The following VSX2 variants were observed in gnomAD, a reference collection of about 807,000 sequenced individuals.
VSX2 encodes ceh-10 homeo domain containing homolog.
A neutral mutation model predicts 32.1 loss-of-function variants in VSX2; 28 were observed. The observed-to-expected ratio is 0.87, with a 90% CI of 0.65 to 1.20. The LOEUF is 1.20. VSX2 is among the 50% of genes most tolerant of loss of function. The probability of loss-of-function intolerance (pLI) is 0.00; values close to 1 mark genes in which losing one functional copy is unlikely to be tolerated. For synonymous variants in VSX2, 243 were observed against 214.1 expected (o/e 1.14, Z -1.18); for missense variants, 506 against 488.7 (o/e 1.04, Z -0.33).
rs1745691361 is a variant in VSX2, at chr14:74,246,091, C to T, written c.579+803C>T. Among the ~76,000 whole-genome samples the T allele has an allele frequency of 3.3e-5, 5 of 152,208 alleles. No individual in the cohort carries two copies. The South Asian group carries it at 1.0e-3, about 32-fold the overall frequency. ...TCTCTGGGGGAGGATGGAGTCTGGGCAGGGCCTCCATGAGGCAGAAGGAGT... is the reference window on the plus strand; with the variant it reads ...TCTCTGGGGGAGGATGGAGTCTGGGTAGGGCCTCCATGAGGCAGAAGGAGT... On this transcript the variant is annotated intron_variant, in intron 3 of 4. Coordinates refer to ENST00000261980, the MANE Select transcript of VSX2 (RefSeq NM_182894.3).
intron 3 of VSX2, among the ~76,000 whole-genome samples, chr14:74,251,629 G>A (rs1594756428): frequency 6.6e-6 from 1 of 152,284 alleles, no homozygotes. Flanking sequence ...GTGGCGTTTT[G>A]GGTGGCAGGG....
At chr14:74,251,158 T>C (rs2079226467) in intron 3 of VSX2, among the ~76,000 whole-genome samples, 1 of 151,652 alleles carries the variant, frequency 6.6e-6, no homozygotes, top group African/African-American at 2.4e-5. Context: ...CTACTAAAAA[T>C]ACAAAATTAC....
Position 74,241,063 on chromosome 14 carries a change from G to A in VSX2, c.371-119G>A. 8 of 1,022,098 alleles carry A rather than the reference G, an allele frequency of 7.8e-6. No individual in the cohort carries two copies. The South Asian group carries it at 9.1e-5, about 12-fold the overall frequency. 63.3% of individuals were successfully genotyped at this position (1,022,098 alleles called of 1,614,324 possible). A position where few individuals can be genotyped will look rare whatever the true frequency, so the allele number is the denominator to read the frequency against. On this transcript the variant is annotated intron_variant, in intron 1 of 4. Coordinates refer to ENST00000261980, the MANE Select transcript of VSX2 (RefSeq NM_182894.3). ...CACCGGGGCGCCCGCAGGCTTCCTG[G>A]GGAGACAGAGCAGGTCCCCGCCGCT...
chr14:74,257,949 TC>T (rs1445319665), intron 3 of VSX2, among the ~76,000 whole-genome samples: 1 of 151,822 alleles, frequency 6.6e-6, no homozygotes, highest in Non-Finnish European at 1.5e-5. Context: ...AACGACCTAA[TC>T]AAGCAATCAA....
intron 2 of VSX2, among the ~76,000 whole-genome samples, chr14:74,242,799 G>T (rs533332752): frequency 6.6e-6 from 1 of 152,180 alleles, no homozygotes; most frequent in Admixed American, 6.5e-5. Context: ...GTGCCAGGAG[G>T]GGTGGGAGGG....
chr14:74,249,940 T>A (rs1363020822), intron 3 of VSX2, among the ~76,000 whole-genome samples: 1 of 151,964 alleles, frequency 6.6e-6, no homozygotes, highest in Non-Finnish European at 1.5e-5. Context: ...CACACCGTCT[T>A]CTTTGTGTCT....
chr14:74,252,701 C>T (rs956599580), intron 3 of VSX2, among the ~76,000 whole-genome samples: 1 of 152,140 alleles, frequency 6.6e-6, no homozygotes, highest in African/African-American at 2.4e-5. Flanking sequence ...CCTGGGCTTT[C>T]TGATTGCTGC....
At chr14:74,248,992 C>A (rs1244879791) in intron 3 of VSX2, among the ~76,000 whole-genome samples, 2 of 152,200 alleles carry the variant, frequency 1.3e-5, no homozygotes, top group African/African-American at 4.8e-5. Context: ...GGAGCATACA[C>A]CCCTGCTGGG....
At chr14:74,260,485 G>C in intron 4 of VSX2, 109 bp from the exon 5 acceptor site, 1 of 1,147,574 alleles carries the variant, frequency 8.7e-7, no homozygotes, top group South Asian at 1.3e-5. Flanking sequence ...TGGGGAGTAA[G>C]GCTTTCTGCT....
chr14:74,255,154 C>T (rs2079255557), intron 3 of VSX2, among the ~76,000 whole-genome samples: 1 of 152,144 alleles, frequency 6.6e-6, no homozygotes, highest in African/African-American at 2.4e-5. Context: ...CCCAAAGTCA[C>T]ACAGCAATTT....
chr14:74,256,225 G>C (rs1183156659), intron 3 of VSX2, among the ~76,000 whole-genome samples: 2 of 152,234 alleles, frequency 1.3e-5, no homozygotes, highest in Non-Finnish European at 2.9e-5. Context: ...GAGGTCAGGA[G>C]TTCGAGACCA....
At chr14:74,240,018 C>T in intron 1 of VSX2, 87 bp downstream of exon 1, 3 of 1,498,794 alleles carry the variant, frequency 2.0e-6, no homozygotes, top group Non-Finnish European at 2.7e-6. Context: ...CTGGACCAGG[C>T]CTCCAGGCGG....
In VSX2 at chr14:74,239,556, A is replaced by T; in HGVS notation, c.-6A>T. ...TGCGGCCTCAGCCCCTCCAAAGAAC[A>T]GGGAGATGACGGGGAAAGCAGGGGA... is the stretch of plus-strand genomic sequence containing the variant. On this transcript the variant is annotated 5_prime_UTR_variant, in exon 1 of 5. Coordinates refer to ENST00000261980, the MANE Select transcript of VSX2 (RefSeq NM_182894.3). The T allele has an allele frequency of 6.4e-7, 1 of 1,551,032 alleles. No individual in the cohort carries two copies. The highest frequency in any genetic ancestry group is 8.7e-7 in the Non-Finnish European group (1 of 1,146,966).
chr14:74,244,923 T>TGAGAGA (rs1226852066), intron 2 of VSX2, among the ~76,000 whole-genome samples: 9 of 43,056 alleles, frequency 2.1e-4, no homozygotes, highest in African/African-American at 5.3e-4. Flanking sequence ...TGTGTGTGTG[T>TGAGAGA]GTGTGTGAAA....
At chr14:74,257,432 C>A (rs561214559) in intron 3 of VSX2, among the ~76,000 whole-genome samples, 3 of 152,268 alleles carry the variant, frequency 2.0e-5, no homozygotes, top group Non-Finnish European at 2.9e-5. Flanking sequence ...GATGGAGCCA[C>A]CCGGGGCGGG....
chr14:74,242,562 G>A (rs1375925126), intron 2 of VSX2, among the ~76,000 whole-genome samples: 1 of 145,130 alleles, frequency 6.9e-6, no homozygotes, highest in African/African-American at 2.5e-5. Context: ...TGTTTAGTTT[G>A]TATTGTTTTA....
At chr14:74,248,370 A>T (rs1252466221) in intron 3 of VSX2, among the ~76,000 whole-genome samples, 1 of 148,878 alleles carries the variant, frequency 6.7e-6, no homozygotes, top group Non-Finnish European at 1.5e-5. Context: ...ACCAAAAACG[A>T]GACCCTGTCT....
chr14:74,250,426 T>C (rs766247476), intron 3 of VSX2, among the ~76,000 whole-genome samples: 1 of 152,048 alleles, frequency 6.6e-6, no homozygotes, highest in Non-Finnish European at 1.5e-5. Context: ...TTCTAAGATG[T>C]GCTTGTTATA....
rs398124558 is a variant in VSX2, at chr14:74,241,176, T to C, written c.371-6T>C. On this transcript the variant is annotated splice_region_variant and splice_polypyrimidine_tract_variant and intron_variant, in intron 1 of 4. Coordinates refer to ENST00000261980, the MANE Select transcript of VSX2 (RefSeq NM_182894.3). ...TCTGCCGCATGTCCCTACGCCCGCT[T>C]TTCAGATTCTGAAGATGTTTCCTCC... 4.3e-6 allele frequency: 7 copies of C among 1,612,992 alleles called. No individual in the cohort carries two copies. The African/African-American group carries it at 9.3e-5, about 22-fold the overall frequency.
Sources: allele counts gnomAD v4.1 joint callset (sites outside exome capture counted in the v4.1 genomes callset), GRCh38; gene constraint gnomAD v4.1.1; transcripts MANE v1.5; gene names NCBI Gene and HGNC (gene_info 2026-07-23, HGNC 2026-07-21).